The following EYS variants were observed in gnomAD, a reference collection of about 807,000 sequenced individuals.
EYS encodes protein eyes shut homolog.
A neutral mutation model predicts 282.1 loss-of-function variants in EYS; 250 were observed. The observed-to-expected ratio is 0.89, with a 90% CI of 0.80 to 0.98. The LOEUF is 0.98. Ranked by LOEUF, EYS falls within the 50% of genes least tolerant of loss-of-function variation. The pLI is 0.00. For missense variants in EYS, 4,016 were observed against 3,709.0 expected, an observed-to-expected ratio of 1.08 and a Z score of -2.15; for synonymous variants, 1,355 against 1,282.9, an observed-to-expected ratio of 1.06 and a Z score of -1.20.
At chr6:63,943,628 G>T (rs1054543298) in intron 35 of EYS, among the ~76,000 whole-genome samples, 9 of 152,078 alleles carry the variant, frequency 5.9e-5, no homozygotes, top group Admixed American at 5.9e-4. Flanking sequence ...GACCAAAAAC[G>T]GTGTTTAGTT....
In EYS at chr6:65,645,893, G is replaced by A. The variant is rs541580966; in HGVS notation, c.-447-6001C>T. Among the ~76,000 whole-genome samples the A allele has an allele frequency of 7.2e-5, 11 of 151,998 alleles. No individual in the cohort carries two copies. In the East Asian group the frequency reaches 1.7e-3, roughly 24 times the overall value. ...ACAAAAGATTATTCAAGTCTACTAC[G>A]AACACCTTTATGCACATAAACTAGA... On this transcript the variant is annotated intron_variant, in intron 1 of 42. Transcript: ENST00000503581.
intron 19 of EYS, among the ~76,000 whole-genome samples, chr6:64,867,065 A>G (rs1219491120): frequency 6.6e-6 from 1 of 151,868 alleles, no homozygotes; most frequent in Non-Finnish European, 1.5e-5. Context: ...CTCACTATGC[A>G]TAAATAAATT....
At chr6:64,666,060 G>A (rs1197790183) in intron 22 of EYS, among the ~76,000 whole-genome samples, 1 of 152,126 alleles carries the variant, frequency 6.6e-6, no homozygotes, top group African/African-American at 2.4e-5. Context: ...ACAAAGAAGG[G>A]AACAACAGAC....
intron 13 of EYS, among the ~76,000 whole-genome samples, chr6:65,024,232 C>T (rs1772331286): frequency 6.6e-6 from 1 of 151,980 alleles, no homozygotes; most frequent in East Asian, 1.9e-4. Flanking sequence ...ACGAAGGAGG[C>T]CCACAAGATT....
intron 30 of EYS, among the ~76,000 whole-genome samples, chr6:64,262,384 C>T (rs1057262374): frequency 6.6e-6 from 1 of 151,196 alleles, no homozygotes; most frequent in Non-Finnish European, 1.5e-5. Context: ...ATACAAATTG[C>T]ATAATTTGTA....
chr6:65,540,931 A>C (rs1176567715), intron 2 of EYS, among the ~76,000 whole-genome samples: 3 of 152,176 alleles, frequency 2.0e-5, no homozygotes, highest in African/African-American at 4.8e-5. Context: ...TCTCAAAAAA[A>C]TTAGAGAAAG....
At chr6:65,275,931 C>A (rs552355390) in intron 12 of EYS, among the ~76,000 whole-genome samples, 6 of 152,228 alleles carry the variant, frequency 3.9e-5, no homozygotes, top group African/African-American at 1.4e-4. Context: ...CATGCACTTA[C>A]CAAATACCTT....
chr6:63,745,578 G>T (rs1769191061), intron 41 of EYS, among the ~76,000 whole-genome samples: 1 of 152,110 alleles, frequency 6.6e-6, no homozygotes, highest in Non-Finnish European at 1.5e-5. Context: ...AGAGCAAAAT[G>T]CCTATTCACA....
intron 5 of EYS, among the ~76,000 whole-genome samples, chr6:65,408,867 A>C (rs1475661599): frequency 2.6e-5 from 4 of 152,144 alleles, no homozygotes; most frequent in Admixed American, 2.6e-4. Flanking sequence ...ATAAGTACTT[A>C]AGCACAGTAT....
chr6:64,282,868 A>T (rs1410133471), intron 30 of EYS, among the ~76,000 whole-genome samples: 1 of 152,176 alleles, frequency 6.6e-6, no homozygotes, highest in Non-Finnish European at 1.5e-5. Flanking sequence ...TTTCATGTTT[A>T]TGAAAACTAT....
intron 13 of EYS, among the ~76,000 whole-genome samples, chr6:65,046,507 C>T (rs754930666): frequency 6.6e-6 from 1 of 151,710 alleles, no homozygotes; most frequent in East Asian, 1.9e-4. Flanking sequence ...CTTCCTTTTG[C>T]CAGTAATTGT....
chr6:63,987,513 T>C (rs1198778021), intron 34 of EYS, among the ~76,000 whole-genome samples: 2 of 151,820 alleles, frequency 1.3e-5, no homozygotes, highest in East Asian at 1.9e-4. Context: ...TAGATGTACA[T>C]AAAATGCAGA....
intron 31 of EYS, among the ~76,000 whole-genome samples, chr6:64,135,537 T>G (rs919543960): frequency 1.3e-5 from 2 of 151,998 alleles, no homozygotes; most frequent in Admixed American, 6.6e-5. Context: ...TTGGATAATA[T>G]TTAAACAAGA....
At chr6:64,240,235 G>A (rs768280053) in intron 30 of EYS, among the ~76,000 whole-genome samples, 2 of 152,088 alleles carry the variant, frequency 1.3e-5, no homozygotes, top group Admixed American at 6.6e-5. Flanking sequence ...TTGGCTATGC[G>A]TGCTCTTTTT....
At chr6:64,024,066 C>G (rs1223976124) in intron 33 of EYS, among the ~76,000 whole-genome samples, 1 of 152,208 alleles carries the variant, frequency 6.6e-6, no homozygotes, top group Non-Finnish European at 1.5e-5. Flanking sequence ...ATGAGTGCCA[C>G]CCCCTGCTCC....
chr6:64,901,305 T>TATATATATAC (rs1221318267), intron 18 of EYS, among the ~76,000 whole-genome samples: 2 of 148,210 alleles, frequency 1.3e-5, no homozygotes, highest in Non-Finnish European at 3.0e-5. Context: ...TATATATATA[T>TATATATATAC]ATATATATAT....
At chr6:63,849,989 G>A (rs1772203821) in intron 36 of EYS, among the ~76,000 whole-genome samples, 1 of 152,298 alleles carries the variant, frequency 6.6e-6, no homozygotes, top group Non-Finnish European at 1.5e-5. Context: ...TAAATGATCT[G>A]ATGGAGCTGA....
chr6:65,470,997 C>T (rs1299014189), intron 5 of EYS, among the ~76,000 whole-genome samples: 1 of 151,830 alleles, frequency 6.6e-6, no homozygotes, highest in Non-Finnish European at 1.5e-5. Flanking sequence ...ATTAGCTGGG[C>T]ATGGTGGCAC....
intron 8 of EYS, among the ~76,000 whole-genome samples, chr6:65,381,069 G>C (rs1248094360): frequency 1.3e-5 from 2 of 152,148 alleles, no homozygotes; most frequent in African/African-American, 2.4e-5. Flanking sequence ...GATTCCTCAA[G>C]GATATAGAAC....
Sources: allele counts gnomAD v4.1 joint callset (sites outside exome capture counted in the v4.1 genomes callset), GRCh38; gene constraint gnomAD v4.1.1; transcripts MANE v1.5; gene names NCBI Gene and HGNC (gene_info 2026-07-23, HGNC 2026-07-21).